DOCK8: variants seen among roughly 807,000 people sequenced by gnomAD.
The protein encoded by DOCK8 is dedicator of cytokinesis 8, also known as dedicator of cytokinesis protein 8.
Under a neutral mutation model 245.6 loss-of-function variants are expected in DOCK8, and 141 were observed. The observed-to-expected ratio is 0.57, with a 90% CI of 0.50 to 0.66. The LOEUF (loss-of-function observed/expected upper bound fraction) is 0.66, where lower values mean the gene tolerates loss of function less well. DOCK8 is among the 30% of genes least tolerant of loss of function. DOCK8 has a pLI of 0.00. For missense variants in DOCK8, 2,965 were observed against 2,603.4 expected, an observed-to-expected ratio of 1.14 and a Z score of -3.02; for synonymous variants, 1,168 against 970.2, an observed-to-expected ratio of 1.20 and a Z score of -3.79.
chr9:416,087 C>G (rs1026829480), intron 29 of DOCK8, among the ~76,000 whole-genome samples: 1 of 152,070 alleles, frequency 6.6e-6, no homozygotes, highest in Non-Finnish European at 1.5e-5. Context: ...AATGGAGTAA[C>G]TCAGAAGAGA....
At chr9:341,512 C>G (rs1458413212) in intron 14 of DOCK8, among the ~76,000 whole-genome samples, 1 of 152,160 alleles carries the variant, frequency 6.6e-6, no homozygotes, top group Non-Finnish European at 1.5e-5. Context: ...GGTACTGATT[C>G]AGTTGAAGTC....
intron 12 of DOCK8, among the ~76,000 whole-genome samples, chr9:338,338 G>C (rs1458953629): frequency 6.6e-6 from 1 of 152,146 alleles, no homozygotes; most frequent in Non-Finnish European, 1.5e-5. Flanking sequence ...GAGGGCGCCT[G>C]TGCACCGTGC....
upstream of DOCK8, among the ~76,000 whole-genome samples, chr9:212,002 C>A (rs896163133): frequency 1.5e-4 from 23 of 152,118 alleles, no homozygotes; most frequent in African/African-American, 5.3e-4. Flanking sequence ...GTACAGAAAT[C>A]TGGGAAATAG....
At chr9:434,398 T>C (rs973716482) in intron 38 of DOCK8, among the ~76,000 whole-genome samples, 3 of 152,178 alleles carry the variant, frequency 2.0e-5, no homozygotes, top group African/African-American at 7.2e-5. Context: ...GAGAAATTAC[T>C]TACAGAGGCA....
At chr9:379,961 C>T in intron 21 of DOCK8, 26 bp downstream of exon 21, 2 of 1,609,446 alleles carry the variant, frequency 1.2e-6, no homozygotes, top group Non-Finnish European at 1.7e-6. Flanking sequence ...GTGTGGGACT[C>T]TGGTGGGCGG....
intron 26 of DOCK8, among the ~76,000 whole-genome samples, chr9:402,509 C>T (rs1362504952): frequency 6.6e-6 from 1 of 152,198 alleles, no homozygotes; most frequent in African/African-American, 2.4e-5. Flanking sequence ...CCATTAGTGG[C>T]ACTCAGGCCT....
At position 289,640 on chromosome 9, in the gene DOCK8, T is replaced by G. The variant is rs1488165074; in HGVS notation, c.404+59T>G. ...ATATTAATTTTATATTGCTAGTTTT[T>G]AAATATTTCTTAATACTTTGAACAG... On this transcript the variant is annotated intron_variant, in intron 4 of 47. Coordinates refer to ENST00000432829, the MANE Select transcript of DOCK8 (RefSeq NM_203447.4). The G allele has an allele frequency of 3.5e-6, 5 of 1,424,168 alleles. No homozygotes were observed. The South Asian group carries it at 5.0e-5, about 14-fold the overall frequency. 88.2% of individuals were successfully genotyped at this position (1,424,168 alleles called of 1,614,324 possible).
intron 26 of DOCK8, among the ~76,000 whole-genome samples, chr9:400,995 C>CCTCCTTCACCAT (rs2055050172): frequency 1.8e-5 from 1 of 54,636 alleles, no homozygotes. Flanking sequence ...TCCTCCACCA[C>CCTCCTTCACCAT]CACCACCATT....
At chr9:427,592 T>G (rs1014939908) in intron 34 of DOCK8, among the ~76,000 whole-genome samples, 3 of 152,218 alleles carry the variant, frequency 2.0e-5, no homozygotes, top group Non-Finnish European at 4.4e-5. Flanking sequence ...GAGTTTTTAA[T>G]TACCCTGAAA....
chr9:458,097 G>A (rs537584999), intron 46 of DOCK8: 1 of 152,274 alleles, frequency 6.6e-6, no homozygotes, highest in East Asian at 1.9e-4. Context: ...GCTTAAATAA[G>A]AAATTTATTT....
intron 26 of DOCK8, among the ~76,000 whole-genome samples, chr9:400,024 TCCACCATCAC>T (rs1564011613): frequency 1.4e-3 from 92 of 66,836 alleles, no homozygotes; most frequent in African/African-American, 6.6e-3. Context: ...CACCACCACC[TCCACCATCAC>T]CACCACCACC....
At chr9:236,715 A>G (rs2047258055) in intron 1 of DOCK8, among the ~76,000 whole-genome samples, 1 of 152,108 alleles carries the variant, frequency 6.6e-6, no homozygotes, top group Non-Finnish European at 1.5e-5. Flanking sequence ...ACCAACAAAA[A>G]CTTGTTTCAT....
intron 1 of DOCK8, among the ~76,000 whole-genome samples, chr9:269,028 CTG>C (rs1280147919): frequency 1.3e-5 from 2 of 152,166 alleles, no homozygotes; most frequent in Non-Finnish European, 1.5e-5. Context: ...ACTTTTGTCT[CTG>C]TAGAATATTT....
At chr9:458,093 A>G (rs553736169) in intron 46 of DOCK8, 1 of 152,234 alleles carries the variant, frequency 6.6e-6, no homozygotes, top group East Asian at 1.9e-4. Context: ...AGTAGCTTAA[A>G]TAAGAAATTT....
intron 46 of DOCK8, chr9:452,811 G>A (rs573909016): frequency 4.1e-4 from 62 of 152,372 alleles, no homozygotes; most frequent in African/African-American, 1.4e-3. Context: ...TAATTCTGCA[G>A]TGGAGCTGGC....
At chr9:379,639 C>G (rs1400700125) in intron 20 of DOCK8, 132 bp from the exon 21 acceptor site, 2 of 983,534 alleles carry the variant, frequency 2.0e-6, no homozygotes, top group East Asian at 5.2e-5. Flanking sequence ...CTCACCAAAA[C>G]CATCTACCCT....
At chr9:344,871 G>A (rs555292920) in intron 14 of DOCK8, among the ~76,000 whole-genome samples, 82 of 152,182 alleles carry the variant, frequency 5.4e-4, no homozygotes, top group African/African-American at 1.9e-3. Flanking sequence ...GGCCAACACG[G>A]TGACCCCTTG....
rs764779815 is a variant in DOCK8, at chr9:325,666, G to C, written c.828-5G>C. ...CACATAGATTTTCCTCTCTTTCTAT[G>C]GTAGGTTCGAGATTGAAATTGAGCC... On this transcript the variant is annotated splice_polypyrimidine_tract_variant and splice_region_variant and intron_variant, in intron 7 of 47. Coordinates refer to ENST00000432829, the MANE Select transcript of DOCK8 (RefSeq NM_203447.4). 1 of 1,613,122 alleles carries C rather than the reference G, an allele frequency of 6.2e-7. No individual in the cohort carries two copies. The highest frequency in any genetic ancestry group is 8.5e-7 in the Non-Finnish European group (1 of 1,179,172).
intron 1 of DOCK8, among the ~76,000 whole-genome samples, chr9:264,748 G>A (rs1249984420): frequency 6.6e-6 from 1 of 152,100 alleles, no homozygotes; most frequent in Non-Finnish European, 1.5e-5. Flanking sequence ...AAGCATCCAA[G>A]AATGCATCTC....
Sources: gnomAD v4.1 joint callset for allele counts (sites outside exome capture counted in the v4.1 genomes callset) on GRCh38, gnomAD v4.1.1 for gene constraint, MANE v1.5 for transcripts, NCBI Gene and HGNC (gene_info 2026-07-23, HGNC 2026-07-21) for gene names.